CLCN6: variants seen among roughly 807,000 people sequenced by gnomAD.
CLCN6 encodes H(+)/Cl(-) exchange transporter 6.
A neutral mutation model predicts 109.8 loss-of-function variants in CLCN6; 70 were observed. The observed-to-expected ratio is 0.64, with a 90% CI of 0.53 to 0.78. The LOEUF (loss-of-function observed/expected upper bound fraction) is 0.78, where lower values mean the gene tolerates loss of function less well. Ranked by LOEUF, CLCN6 falls within the 30% of genes least tolerant of loss-of-function variation. CLCN6 has a pLI of 0.00. For synonymous variants in CLCN6, 444 were observed against 447.8 expected, an observed-to-expected ratio of 0.99 and a Z score of 0.11; for missense variants, 984 against 1,142.3, an observed-to-expected ratio of 0.86 and a Z score of 2.00.
chr1:11,828,649 C>T (rs747861448), intron 12 of CLCN6, 25 bp downstream of exon 12: 31 of 1,572,836 alleles, frequency 2.0e-5, no homozygotes, highest in Admixed American at 3.6e-5. Flanking sequence ...GCCTCCCCCC[C>T]GAGCCTGCTG....
At chr1:11,818,045 T>C (rs908513883) in intron 4 of CLCN6, among the ~76,000 whole-genome samples, 5 of 152,154 alleles carry the variant, frequency 3.3e-5, no homozygotes, top group African/African-American at 9.6e-5. Context: ...GAGGACTGCT[T>C]GAGCCCAGGA....
chr1:11,820,056 A>G (rs146565316), intron 5 of CLCN6, among the ~76,000 whole-genome samples: 60 of 152,372 alleles, frequency 3.9e-4, no homozygotes, highest in Non-Finnish European at 7.9e-4. Flanking sequence ...TAGACAGTGG[A>G]AAATGATAGA....
At position 11,820,500 on chromosome 1, in the gene CLCN6, C is replaced by T. The variant is rs186928709; in HGVS notation, c.346+946C>T. On this transcript the variant is annotated intron_variant, in intron 5 of 22. Transcript: ENST00000346436. Reference sequence around the variant, plus strand: ...ACATCAATGGGGCCGGACACAGTGGCTCACGCCTGTAATCCCAGCATTTTG... The same window carrying T: ...ACATCAATGGGGCCGGACACAGTGGTTCACGCCTGTAATCCCAGCATTTTG... The T allele has an allele frequency of 4.4e-5, 28 of 630,090 alleles. No individual in the cohort carries two copies. The East Asian group carries it at 7.6e-4, about 17-fold the overall frequency. The allele number at this position is 630,090 out of a possible 1,614,324, so 39.0% of individuals were successfully genotyped here. A position where few individuals can be genotyped will look rare whatever the true frequency, so the allele number is the denominator to read the frequency against.
chr1:11,830,810 AC>A (rs1644874018), intron 13 of CLCN6, among the ~76,000 whole-genome samples: 1 of 135,622 alleles, frequency 7.4e-6, no homozygotes, highest in Admixed American at 7.1e-5. Flanking sequence ...ACACACACAC[AC>A]ACAAACACAC....
chr1:11,822,702 G>T lies in CLCN6; in HGVS notation c.354G>T (p.Glu118Asp). 2 of 1,610,752 alleles carry T rather than the reference G, an allele frequency of 1.2e-6. No homozygotes were observed. The highest frequency in any genetic ancestry group is 2.2e-5 in the South Asian group (2 of 91,000). ...TTAACCCAGTTTCCGCAGCGGTGGA[G>T]GAGTGCAGCCAGAAAGGCTGCCTCG... ...LKFGVVQTSV[E>D]ECSQKGCLAL... Residue 118 changes from glutamate (E) to aspartate (D), a missense_variant, in exon 6 of 23, where the codon GAG (glutamate) becomes GAT (aspartate). Physicochemically the swap from Glu to Asp is conservative, Grantham distance 45 (BLOSUM62 2). Transcript: ENST00000346436.
At chr1:11,829,739 C>G (rs1323467747) in intron 13 of CLCN6, 1 of 164,830 alleles carries the variant, frequency 6.1e-6, no homozygotes, top group Non-Finnish European at 1.3e-5. Flanking sequence ...CCTGGCGTCA[C>G]AGAGGGGAAC....
chr1:11,832,393 G>A (rs1390612498), intron 13 of CLCN6, among the ~76,000 whole-genome samples: 1 of 152,228 alleles, frequency 6.6e-6, no homozygotes, highest in Non-Finnish European at 1.5e-5. Context: ...AGGACTCTCT[G>A]GAAAGCCTTC....
Position 11,829,245 on chromosome 1 carries a change from G to T in CLCN6, c.1171G>T (p.Val391Leu), listed in dbSNP as rs374620241. ...TCTGGTAACCACCGTGGTGGTGTTTGTGGCCTCGATGGTGTTAGGAGAATG... is the reference window on the plus strand; with the variant it reads ...TCTGGTAACCACCGTGGTGGTGTTTTTGGCCTCGATGGTGTTAGGAGAATG... ...VSLVTTVVVFVASMVLGECRQ... is the reference protein window; with the variant it reads ...VSLVTTVVVFLASMVLGECRQ... The change falls in exon 13 of 23, where the codon GTG becomes TTG. Residue 391 changes from valine (V) to leucine (L), a missense_variant. Transcript: ENST00000346436. 3.7e-6 allele frequency: 6 copies of T among 1,614,150 alleles called. No individual in the cohort carries two copies. The African/African-American group carries it at 8.0e-5, about 22-fold the overall frequency.
Position 11,823,693 on chromosome 1 carries a change from C to T in CLCN6, c.454-14C>T. ...GGATTTCGAGTTATGGGTGTGCCTG[C>T]TCTCCTCCATCAGCCGGTGGCAGCA... On this transcript the variant is annotated splice_polypyrimidine_tract_variant and intron_variant, in intron 6 of 22. Transcript: ENST00000346436. 1 of 1,614,080 alleles carries T rather than the reference C, an allele frequency of 6.2e-7. No homozygotes were observed. The highest frequency in any genetic ancestry group is 1.6e-4 in the Middle Eastern group (1 of 6,062).
At chr1:11,824,260 G>T (rs1198608974) in intron 7 of CLCN6, among the ~76,000 whole-genome samples, 1 of 152,234 alleles carries the variant, frequency 6.6e-6, no homozygotes, top group African/African-American at 2.4e-5. Flanking sequence ...GGTGGTCTGG[G>T]CTCACAGGCT....
intron 22 of CLCN6, chr1:11,838,889 C>G (rs1357258695): frequency 1.4e-6 from 1 of 726,268 alleles, no homozygotes; most frequent in South Asian, 1.5e-5. Context: ...CAGCCAGAGC[C>G]GCGCCTCTAC....
intron 5 of CLCN6, 115 bp from the exon 6 acceptor site, chr1:11,822,580 A>G (rs1057023366): frequency 1.6e-6 from 1 of 629,416 alleles, no homozygotes; most frequent in Non-Finnish European, 2.9e-6. Flanking sequence ...ATATATAGAG[A>G]AAAAGTGCAC....
At chr1:11,812,125 G>A (rs904582369) in intron 2 of CLCN6, among the ~76,000 whole-genome samples, 1 of 152,024 alleles carries the variant, frequency 6.6e-6, no homozygotes, top group Non-Finnish European at 1.5e-5. Flanking sequence ...AAAAAAAAAA[G>A]TAGTAGGTTG....
At position 11,830,776 on chromosome 1, in the gene CLCN6, CTATATAT is replaced by C. The variant is rs1393719209; in HGVS notation, c.1248+1455_1248+1461del. ...ATATATATATATATACACACACACA[CTATATAT>C]ACACACACACACACACACACACACA... On this transcript the variant is annotated intron_variant, in intron 13 of 22. Coordinates refer to ENST00000346436, the MANE Select transcript of CLCN6 (RefSeq NM_001286.5). Among the ~76,000 whole-genome samples the C allele has an allele frequency of 6.7e-3, 790 of 117,568 alleles. 17 individuals are homozygous for C. The highest frequency in any genetic ancestry group is 0.029 in the African/African-American group (745 of 25,438). 77.1% of individuals were successfully genotyped at this position (117,568 alleles called of 152,430 possible).
At chr1:11,811,842 T>G (rs1189953457) in intron 2 of CLCN6, among the ~76,000 whole-genome samples, 1 of 152,118 alleles carries the variant, frequency 6.6e-6, no homozygotes, top group Non-Finnish European at 1.5e-5. Context: ...TCTAAATGTT[T>G]ACGGAACCAT....
Position 11,830,756 on chromosome 1 carries a change from T to C in CLCN6, c.1248+1434T>C, listed in dbSNP as rs1230905427. Among the ~76,000 whole-genome samples, 6 of 136,670 alleles carry C rather than the reference T, an allele frequency of 4.4e-5. 1 individual carries two copies. The highest frequency in any genetic ancestry group is 1.8e-4 in the African/African-American group (6 of 33,764). The allele number at this position is 136,670 out of a possible 152,430, so 89.7% of individuals were successfully genotyped here. ...TATATATTATATATATATATATATA[T>C]ATATATATACACACACACACTATAT... On this transcript the variant is annotated intron_variant, in intron 13 of 22. Coordinates refer to ENST00000346436, the MANE Select transcript of CLCN6 (RefSeq NM_001286.5).
chr1:11,808,107 T>A (rs932229865), intron 2 of CLCN6, among the ~76,000 whole-genome samples: 1 of 152,216 alleles, frequency 6.6e-6, no homozygotes, highest in African/African-American at 2.4e-5. Context: ...TGAAACCCCT[T>A]GTCCTCATCA....
intron 22 of CLCN6, 33 bp from the exon 23 acceptor site, chr1:11,840,110 C>G (rs1207363340): frequency 2.5e-6 from 4 of 1,593,186 alleles, no homozygotes; most frequent in Admixed American, 3.3e-5. Context: ...GGGTTTTACC[C>G]TGAAGGTGAC....
intron 22 of CLCN6, chr1:11,838,976 G>A (rs1023252): frequency 1.4e-6 from 1 of 695,106 alleles, no homozygotes; most frequent in South Asian, 1.5e-5. Context: ...CCTGCGTAGG[G>A]ATTTGCGCAT....
Sources: allele counts gnomAD v4.1 joint callset (sites outside exome capture counted in the v4.1 genomes callset), GRCh38; gene constraint gnomAD v4.1.1; transcripts MANE v1.5; gene names NCBI Gene and HGNC (gene_info 2026-07-23, HGNC 2026-07-21).